SNX19: variants seen among roughly 807,000 people sequenced by gnomAD.
SNX19 encodes sorting nexin 19.
A neutral mutation model predicts 85.2 loss-of-function variants in SNX19; 60 were observed. That is an observed-to-expected ratio of 0.70 (90% confidence interval 0.57 to 0.87). The LOEUF (loss-of-function observed/expected upper bound fraction) is 0.87, where lower values mean the gene tolerates loss of function less well. Ranked by LOEUF, SNX19 falls within the 40% of genes least tolerant of loss-of-function variation. The pLI is 0.00. For synonymous variants in SNX19, 520 were observed against 470.0 expected (o/e 1.11, Z -1.38); for missense variants, 1,201 against 1,217.8 (o/e 0.99, Z 0.21).
chr11:130,878,005 A>G lies in SNX19; in HGVS notation c.*417T>C, dbSNP rs1165887522. The G allele has an allele frequency of 6.5e-6, 1 of 153,340 alleles. No individual in the cohort carries two copies. Among genetic ancestry groups the G allele is most frequent in the African/African-American group, 2.4e-5 (1 of 41,442 alleles). The allele number at this position is 153,340 out of a possible 1,614,324, so 9.5% of individuals were successfully genotyped here. A position where few individuals can be genotyped will look rare whatever the true frequency, so the allele number is the denominator to read the frequency against. On this transcript the variant is annotated 3_prime_UTR_variant, in exon 11 of 11. Transcript: ENST00000265909. ...GAGAAGGTTGTTTTCTCCTCCAAGG[A>G]AATCTGGCCACAGTTTTTTTCCTGT...
At chr11:130,899,765 C>A (rs1945133972) in intron 8 of SNX19, among the ~76,000 whole-genome samples, 1 of 152,182 alleles carries the variant, frequency 6.6e-6, no homozygotes, top group Admixed American at 6.5e-5. Flanking sequence ...ATAGTTACAA[C>A]AAGTTTTTCA....
At chr11:130,909,016 A>G (rs1044931263) in intron 4 of SNX19, among the ~76,000 whole-genome samples, 4 of 152,226 alleles carry the variant, frequency 2.6e-5, no homozygotes, top group Admixed American at 2.6e-4. Flanking sequence ...AGAACAAACC[A>G]GGGAAAGAAC....
chr11:130,875,469 AAAAT>A lies in SNX19; in HGVS notation c.*2949_*2952del, dbSNP rs367635536. 2.0e-5 allele frequency: 3 copies of A among 152,342 alleles called. No homozygotes were observed. The highest frequency in any genetic ancestry group is 4.4e-5 in the Non-Finnish European group (3 of 68,030). The allele number at this position is 152,342 out of a possible 1,614,324, so 9.4% of individuals were successfully genotyped here. ...CTTCTAGTTAATAATGTACCGTCTCAAAATAAATAAATAATGTACTGTACACTTA... is the reference window on the plus strand; with the variant it reads ...CTTCTAGTTAATAATGTACCGTCTCAAAATAAATAATGTACTGTACACTTA... On this transcript the variant is annotated 3_prime_UTR_variant, in exon 11 of 11. Transcript: ENST00000265909.
rs1944666091 is a variant in SNX19 at position 130,893,712 on chromosome 11, A to G, written c.2573+9543T>C. On this transcript the variant is annotated intron_variant, in intron 8 of 10. Coordinates refer to ENST00000265909, the MANE Select transcript of SNX19 (RefSeq NM_014758.3). ...AGGAGTAATAAATAAAACTGGAAAA[A>G]CAACAAAAAGGAAACCTGGGGGAGA... 1.0e-5 allele frequency: 7 copies of G among 677,106 alleles called. No homozygotes were observed. The Admixed American group carries it at 1.2e-4, about 11-fold the overall frequency. The allele number at this position is 677,106 out of a possible 1,614,324, so 41.9% of individuals were successfully genotyped here. A position where few individuals can be genotyped will look rare whatever the true frequency, so the allele number is the denominator to read the frequency against.
Position 130,867,025 on chromosome 11 carries a change from T to C in SNX19, c.*11397A>G, listed in dbSNP as rs1942793276. The C allele has an allele frequency of 6.6e-6, 1 of 152,208 alleles. No individual in the cohort carries two copies. Among genetic ancestry groups the C allele is most frequent in the Non-Finnish European group, 1.5e-5 (1 of 68,050 alleles). 9.4% of individuals were successfully genotyped at this position (152,208 alleles called of 1,614,324 possible). On this transcript the variant is annotated 3_prime_UTR_variant, in exon 11 of 11. Transcript: ENST00000265909. ...AAGCCACAGAGGTGTGAAATCCCTT[T>C]CCTAAGGCCAGACAGCTAACTACTG...
At chr11:130,894,826 T>C (rs1462701509) in intron 8 of SNX19, 2 of 985,356 alleles carry the variant, frequency 2.0e-6, no homozygotes, top group Admixed American at 1.2e-4. Flanking sequence ...AAATGACACC[T>C]ATCTCACAAG....
rs145384811 is a variant in SNX19, at chr11:130,891,249, G to T, written c.2574-10443C>A. ...AGGCTAATAATAAAATGAAACTGTG[G>T]GCTAATACACCAGCGATAGAGCTGA... is the stretch of plus-strand genomic sequence containing the variant. On this transcript the variant is annotated intron_variant, in intron 8 of 10. Transcript: ENST00000265909. 4.8e-3 allele frequency among the ~76,000 whole-genome samples: 736 copies of T among 152,228 alleles called. 9 individuals are homozygous for T. Among genetic ancestry groups the T allele is most frequent in the African/African-American group, 0.017 (691 of 41,538 alleles).
chr11:130,889,302 ACT>A (rs1400807284), intron 8 of SNX19, among the ~76,000 whole-genome samples: 2 of 151,638 alleles, frequency 1.3e-5, no homozygotes, highest in African/African-American at 4.8e-5. Flanking sequence ...TTTGATGCTG[ACT>A]CTTTTTCTTC....
chr11:130,906,289 C>T (rs375924566), intron 6 of SNX19, among the ~76,000 whole-genome samples, 156 bp from the exon 7 acceptor site: 1 of 152,094 alleles, frequency 6.6e-6, no homozygotes, highest in East Asian at 1.9e-4. Context: ...TATTTTTTAC[C>T]GAAGTTGCAA....
chr11:130,878,376 G>T lies in SNX19; in HGVS notation c.*46C>A. On this transcript the variant is annotated 3_prime_UTR_variant, in exon 11 of 11. Transcript: ENST00000265909. ...GCTTCCTGACTGGTCTCTGGTGGCCGAGTAACTCTACTTCCCTGACCTGGG... is the reference window on the plus strand; with the variant it reads ...GCTTCCTGACTGGTCTCTGGTGGCCTAGTAACTCTACTTCCCTGACCTGGG... The T allele has an allele frequency of 6.3e-7, 1 of 1,592,022 alleles. No homozygotes were observed. Among genetic ancestry groups the T allele is most frequent in the East Asian group, 2.2e-5 (1 of 44,508 alleles).
In SNX19 at chr11:130,907,997, G is replaced by A. The variant is rs372569714; in HGVS notation, c.2121C>T (p.Ala707=). ...CTGTCTGGGGCTTGCTTTCGGTCTCGGCCTCACTCAGCTCCTCTGTGGGGC... is the reference window on the plus strand; with the variant it reads ...CTGTCTGGGGCTTGCTTTCGGTCTCAGCCTCACTCAGCTCCTCTGTGGGGC... ...PQSPTEELSE[A]ETESKPQTEG... is the part of the protein sequence containing the mutation. Residue 707 remains alanine (A), a synonymous_variant, in exon 5 of 11, where the codon GCC becomes GCT. Transcript: ENST00000265909. 1.2e-5 allele frequency: 19 copies of A among 1,613,948 alleles called. No individual in the cohort carries two copies. Among genetic ancestry groups the A allele is most frequent in the Admixed American group, 8.3e-5 (5 of 59,990 alleles).
At chr11:130,905,659 C>A (rs896794560) in intron 7 of SNX19, 60 of 1,497,952 alleles carry the variant, frequency 4.0e-5, no homozygotes, top group Non-Finnish European at 5.2e-5. Flanking sequence ...GTCTGATATG[C>A]CAAAGCATGC....
intron 8 of SNX19, among the ~76,000 whole-genome samples, chr11:130,885,460 C>A (rs1002771393): frequency 1.3e-5 from 2 of 152,212 alleles, no homozygotes; most frequent in Admixed American, 6.5e-5. Flanking sequence ...AATCAAATCT[C>A]ATGAGTAAGG....
rs769972408 is a variant in SNX19, at chr11:130,914,379, G to T, written c.1561C>A (p.Leu521Ile). The T allele has an allele frequency of 1.7e-5, 27 of 1,613,806 alleles. No individual in the cohort carries two copies. The highest frequency in any genetic ancestry group is 2.0e-5 in the Non-Finnish European group (24 of 1,179,872). ...LSSATFSFEP[L>I]SSPDGPVIIQ... Reference sequence around the variant, plus strand: ...ATAACTGGACCATCGGGACTGCTTAGGGGCTCAAAGCTGAAGGTGGCTGAG... The same window carrying T: ...ATAACTGGACCATCGGGACTGCTTATGGGCTCAAAGCTGAAGGTGGCTGAG... Residue 521 changes from leucine (L) to isoleucine (I), a missense_variant, in exon 1 of 11, where the codon CTA becomes ATA. Coordinates refer to ENST00000265909, the MANE Select transcript of SNX19 (RefSeq NM_014758.3).
intron 1 of SNX19, among the ~76,000 whole-genome samples, chr11:130,913,722 T>G (rs767757795): frequency 1.3e-5 from 2 of 152,212 alleles, no homozygotes; most frequent in Non-Finnish European, 2.9e-5. Flanking sequence ...GTAGGTTATT[T>G]ACCTATGTCT....
intron 5 of SNX19, among the ~76,000 whole-genome samples, chr11:130,907,561 A>G (rs966472470): frequency 1.3e-5 from 2 of 152,178 alleles, no homozygotes; most frequent in African/African-American, 2.4e-5. Flanking sequence ...AATATATGCA[A>G]CTTCTGAGCC....
Position 130,869,763 on chromosome 11 carries a change from C to T in SNX19, c.*8659G>A, listed in dbSNP as rs1942941725. The T allele has an allele frequency of 6.6e-6, 1 of 152,074 alleles. No individual in the cohort carries two copies. The highest frequency in any genetic ancestry group is 2.4e-5 in the African/African-American group (1 of 41,406). The allele number at this position is 152,074 out of a possible 1,614,324, so 9.4% of individuals were successfully genotyped here. On this transcript the variant is annotated 3_prime_UTR_variant, in exon 11 of 11. Transcript: ENST00000265909. Reference sequence around the variant, plus strand: ...CTGGCCAACTTTCCTCACAGAATATCAATTGTGGAATCAAGTATAGGGAAT... The same window carrying T: ...CTGGCCAACTTTCCTCACAGAATATTAATTGTGGAATCAAGTATAGGGAAT...
chr11:130,891,014 G>T (rs904010862), intron 8 of SNX19, among the ~76,000 whole-genome samples: 2 of 151,490 alleles, frequency 1.3e-5, no homozygotes, highest in African/African-American at 2.4e-5. Flanking sequence ...TTAAAGCATG[G>T]CACACAGTTC....
rs981660079 is a variant in SNX19 at position 130,875,012 on chromosome 11, G to A, written c.*3410C>T. On this transcript the variant is annotated 3_prime_UTR_variant, in exon 11 of 11. Coordinates refer to ENST00000265909, the MANE Select transcript of SNX19 (RefSeq NM_014758.3). ...TATGATCCAGCAATCCTACTTCTGGGTATTTATCTAAAATAATTAAAAGCA... is the reference window on the plus strand; with the variant it reads ...TATGATCCAGCAATCCTACTTCTGGATATTTATCTAAAATAATTAAAAGCA... Among the ~76,000 whole-genome samples, 1 of 152,142 alleles carries A rather than the reference G, an allele frequency of 6.6e-6. No homozygotes were observed. Among genetic ancestry groups the A allele is most frequent in the Non-Finnish European group, 1.5e-5 (1 of 68,032 alleles).
Sources: gnomAD v4.1 joint callset for allele counts (sites outside exome capture counted in the v4.1 genomes callset) on GRCh38, gnomAD v4.1.1 for gene constraint, MANE v1.5 for transcripts, NCBI Gene and HGNC (gene_info 2026-07-23, HGNC 2026-07-21) for gene names.